TRPC3: variants seen among roughly 807,000 people sequenced by gnomAD.
The protein encoded by TRPC3 is transient receptor potential cation channel subfamily C member 3, also known as short transient receptor potential channel 3.
A neutral mutation model predicts 90.9 loss-of-function variants in TRPC3; 54 were observed. The observed-to-expected ratio is 0.59, with a 90% CI of 0.48 to 0.75. The LOEUF (loss-of-function observed/expected upper bound fraction) is 0.75. Among genes scored for constraint, TRPC3 ranks in the 30% least tolerant of loss-of-function variants. The pLI is 0.00. For missense variants in TRPC3, 918 were observed against 1,194.5 expected (o/e 0.77, Z 3.41); for synonymous variants, 424 against 450.9 (o/e 0.94, Z 0.75).
At position 121,932,753 on chromosome 4, in the gene TRPC3, T is replaced by C; in HGVS notation, c.505A>G (p.Lys169Glu). The C allele has an allele frequency of 6.2e-7, 1 of 1,613,818 alleles. No individual in the cohort carries two copies. Among genetic ancestry groups the C allele is most frequent in the Non-Finnish European group, 8.5e-7 (1 of 1,179,808 alleles). ...TCGCCAATGCGCGCCAGGTTCTCCT[T>C]CTTGAGCAGCAGCTCGGTCACCTCC... ...HLEVTELLLK[K>E]ENLARIGDAL... The change falls in exon 2 of 12, where the codon AAG becomes GAG. Residue 169 changes from lysine to glutamate, a missense_variant. This residue lies in a region of TRPC3 where 609 missense variants were observed against 725.9 expected (regional missense o/e 0.84). Transcript: ENST00000379645. This position sits in a 1 kb window ranked among gnomAD's most constrained non-coding sequence, Gnocchi z 7.7.
At chr4:121,908,425 T>C (rs1728962838) in intron 6 of TRPC3, among the ~76,000 whole-genome samples, 1 of 152,090 alleles carries the variant, frequency 6.6e-6, no homozygotes, top group Non-Finnish European at 1.5e-5. Context: ...ACACATGCAC[T>C]TGCATCTTCA....
At chr4:121,941,318 C>A (rs954305152) in intron 1 of TRPC3, among the ~76,000 whole-genome samples, 2 of 152,144 alleles carry the variant, frequency 1.3e-5, no homozygotes, top group Non-Finnish European at 2.9e-5. Flanking sequence ...AGTAAGAACA[C>A]CATCAATGTG....
chr4:121,905,563 T>G (rs547520705), intron 7 of TRPC3, among the ~76,000 whole-genome samples: 2 of 152,278 alleles, frequency 1.3e-5, no homozygotes, highest in South Asian at 4.1e-4. Context: ...ACTAGTGAAC[T>G]AAATTAGTAA....
Position 121,932,505 on chromosome 4 carries a change from C to T in TRPC3, c.753G>A (p.Met251Ile). The T allele has an allele frequency of 6.2e-7, 1 of 1,614,248 alleles. No homozygotes were observed. Among genetic ancestry groups the T allele is most frequent in the Non-Finnish European group, 8.5e-7 (1 of 1,180,044 alleles). Residue 251 changes from methionine to isoleucine, a missense_variant, in exon 2 of 12, where the codon ATG (methionine) becomes ATA (isoleucine). This residue lies in a region of TRPC3 where 609 missense variants were observed against 725.9 expected (regional missense o/e 0.84). Transcript: ENST00000379645. This position sits in a 1 kb window ranked among gnomAD's most constrained non-coding sequence, Gnocchi z 7.7. ...CGATCCTGGCACCCTTCATCAGCAG[C>T]ATGTGCACCACTTCGTATTTCTGGC... Reference protein sequence around the residue: ...AHCQKYEVVHMLLMKGARIER... With the variant: ...AHCQKYEVVHILLMKGARIER...
chr4:121,913,878 C>G (rs1191050086), intron 4 of TRPC3, among the ~76,000 whole-genome samples: 1 of 152,210 alleles, frequency 6.6e-6, no homozygotes, highest in Non-Finnish European at 1.5e-5. Flanking sequence ...GAGCAGAACT[C>G]TGCCGGTGGA....
Position 121,948,376 on chromosome 4 carries a change from T to C in TRPC3, c.215+3090A>G, listed in dbSNP as rs201047454. Among the ~76,000 whole-genome samples the C allele has an allele frequency of 8.3e-4, 116 of 138,944 alleles. 1 individual carries two copies. In the Middle Eastern group the frequency reaches 0.011, roughly 14 times the overall value. 91.2% of individuals were successfully genotyped at this position (138,944 alleles called of 152,430 possible). A position where few individuals can be genotyped will look rare whatever the true frequency, so the allele number is the denominator to read the frequency against. On this transcript the variant is annotated intron_variant, in intron 1 of 11. Transcript: ENST00000379645. ...TAGATTCTAGCTGGTTTTTTTTTTT[T>C]TCCCTCAATTTCTCCCCTTTCCATT...
chr4:121,950,310 T>C (rs1396081), intron 1 of TRPC3, among the ~76,000 whole-genome samples: 111,169 of 152,150 alleles, frequency 0.73, 40,849 homozygotes, highest in East Asian at 0.82. Context: ...GCAGGGGTCA[T>C]CCCGGAGGTC....
intron 3 of TRPC3, among the ~76,000 whole-genome samples, chr4:121,916,962 G>A (rs901602980): frequency 3.9e-5 from 6 of 151,998 alleles, no homozygotes; most frequent in African/African-American, 1.5e-4. Flanking sequence ...TGATCCGCCC[G>A]CCTCAGCCTC....
chr4:121,916,640 A>G (rs1268503426), intron 3 of TRPC3, among the ~76,000 whole-genome samples: 2 of 152,130 alleles, frequency 1.3e-5, no homozygotes, highest in Non-Finnish European at 2.9e-5. Context: ...TCTGCAACCC[A>G]GAGGAGAGCC....
intron 8 of TRPC3, among the ~76,000 whole-genome samples, chr4:121,903,830 A>C (rs186576379): frequency 1.3e-5 from 2 of 152,300 alleles, no homozygotes; most frequent in East Asian, 3.9e-4. Flanking sequence ...AGATACTGAA[A>C]ACTGAACTGA....
chr4:121,915,410 C>G (rs979222877), intron 3 of TRPC3, among the ~76,000 whole-genome samples: 4 of 152,038 alleles, frequency 2.6e-5, no homozygotes, highest in African/African-American at 9.7e-5. Flanking sequence ...ATGCTACATA[C>G]AAAAAAATGC....
intron 8 of TRPC3, 43 bp downstream of exon 8, chr4:121,904,279 T>C (rs755167302): frequency 3.9e-6 from 6 of 1,546,904 alleles, no homozygotes; most frequent in South Asian, 2.4e-5. Context: ...ACTATCAGAA[T>C]AGGATGACAA....
intron 9 of TRPC3, 142 bp downstream of exon 9, chr4:121,902,710 A>G: frequency 1.7e-6 from 1 of 585,740 alleles, no homozygotes; most frequent in East Asian, 3.0e-5. Context: ...ATTTAGTATT[A>G]GTCTGTGAAA....
chr4:121,884,267 T>G (rs1280940754), intron 10 of TRPC3, among the ~76,000 whole-genome samples: 2 of 151,974 alleles, frequency 1.3e-5, no homozygotes, highest in African/African-American at 4.8e-5. Context: ...ATATAAGAAA[T>G]TATATTTGAA....
intron 1 of TRPC3, among the ~76,000 whole-genome samples, chr4:121,939,620 C>T (rs1240954594): frequency 2.0e-5 from 3 of 152,250 alleles, no homozygotes; most frequent in African/African-American, 4.8e-5. Context: ...CCCTCAGCTC[C>T]TCTGTGGTGT....
rs140601638 is a variant in TRPC3 at position 121,937,885 on chromosome 4, A to G, written c.216-4843T>C. ...ACACAGATTTAAAACCAAATATCCT[A>G]TATTCCATGTGTTTTAAACCTGTTT... On this transcript the variant is annotated intron_variant, in intron 1 of 11. Coordinates refer to ENST00000379645, the MANE Select transcript of TRPC3 (RefSeq NM_001130698.2). 1.3e-3 allele frequency among the ~76,000 whole-genome samples: 204 copies of G among 152,086 alleles called. 1 individual carries two copies. Among genetic ancestry groups the G allele is most frequent in the African/African-American group, 4.7e-3 (196 of 41,486 alleles).
intron 7 of TRPC3, among the ~76,000 whole-genome samples, chr4:121,906,310 T>C (rs1387615920): frequency 6.6e-6 from 1 of 152,100 alleles, no homozygotes; most frequent in Non-Finnish European, 1.5e-5. Flanking sequence ...GTCACATCCC[T>C]AGACAAAACA....
In TRPC3 at chr4:121,910,356, C is replaced by A. The variant is rs201925223; in HGVS notation, c.1590G>T (p.Trp530Cys). 3 of 1,613,686 alleles carry A rather than the reference C, an allele frequency of 1.9e-6. No individual in the cohort carries two copies. Among genetic ancestry groups the A allele is most frequent in the Non-Finnish European group, 2.5e-6 (3 of 1,179,688 alleles). Residue 530 changes from tryptophan (W) to cysteine (C), a missense_variant, in exon 6 of 12, where the codon TGG (tryptophan) becomes TGT (cysteine). Physicochemically the swap from Trp to Cys is radical, Grantham distance 215 (BLOSUM62 -2). Transcript: ENST00000379645. ...AAATGTATTCCCTAGGTCCTTCCAG[C>A]CAGAGCTCTTTACATTCAGACCACA... is the stretch of plus-strand genomic sequence containing the variant. ...GMMWSECKEL[W>C]LEGPREYILQ...
intron 9 of TRPC3, among the ~76,000 whole-genome samples, chr4:121,902,424 T>C (rs1728735332): frequency 6.6e-6 from 1 of 152,216 alleles, no homozygotes; most frequent in South Asian, 2.1e-4. Context: ...GAAAAAAGAT[T>C]ATTTAGTCAA....
Sources: allele counts gnomAD v4.1 joint callset (sites outside exome capture counted in the v4.1 genomes callset), GRCh38; gene constraint gnomAD v4.1.1; regional missense constraint gnomAD v4.1.1; non-coding constraint Gnocchi (gnomAD v3.1); transcripts MANE v1.5; gene names NCBI Gene and HGNC (gene_info 2026-07-23, HGNC 2026-07-21).